Variants in PDE11A observed in about 807,000 individuals in gnomAD.
PDE11A encodes dual 3',5'-cyclic-AMP and -GMP phosphodiesterase 11A.
Under a neutral mutation model 100.5 loss-of-function variants are expected in PDE11A, and 100 were observed. The ratio of observed to expected loss-of-function variants is 1.00; its 90% confidence interval spans 0.85 to 1.18. The LOEUF is 1.18. PDE11A is among the 50% of genes most tolerant of loss of function. PDE11A has a pLI of 0.00. For synonymous variants in PDE11A, 381 were observed against 420.8 expected (o/e 0.91, Z 1.16); for missense variants, 1,141 against 1,152.6 (o/e 0.99, Z 0.15).
chr2:177,773,792 A>G (rs1305473001), intron 9 of PDE11A, among the ~76,000 whole-genome samples: 1 of 152,202 alleles, frequency 6.6e-6, no homozygotes, highest in Non-Finnish European at 1.5e-5. Flanking sequence ...GGGAGGAATC[A>G]TCGGCTAATA....
intron 9 of PDE11A, among the ~76,000 whole-genome samples, chr2:177,815,782 G>C (rs889914952): frequency 1.3e-5 from 2 of 152,128 alleles, no homozygotes; most frequent in African/African-American, 2.4e-5. Context: ...CTTATATCTG[G>C]CTTGACACAC....
At chr2:177,903,342 C>T (rs1208976636) in intron 3 of PDE11A, among the ~76,000 whole-genome samples, 3 of 152,170 alleles carry the variant, frequency 2.0e-5, no homozygotes, top group African/African-American at 4.8e-5. Flanking sequence ...CCTTCCTCAA[C>T]CCTTTATCCC....
At chr2:177,899,857 A>G (rs74515015) in intron 3 of PDE11A, among the ~76,000 whole-genome samples, 3,400 of 151,372 alleles carry the variant, frequency 0.022, 61 homozygotes, top group East Asian at 0.074. Context: ...CAAACTGTCC[A>G]GAAGAACATT....
intron 1 of PDE11A, among the ~76,000 whole-genome samples, chr2:178,051,779 A>C (rs1489848821): frequency 1.3e-5 from 2 of 152,190 alleles, no homozygotes; most frequent in Non-Finnish European, 2.9e-5. Context: ...CCATTACATA[A>C]TGGTAAAGGG....
chr2:177,883,493 C>T (rs950154788), intron 4 of PDE11A, among the ~76,000 whole-genome samples: 1 of 152,050 alleles, frequency 6.6e-6, no homozygotes, highest in Admixed American at 6.6e-5. Flanking sequence ...GCAAACAGTT[C>T]ACAAATGTTT....
rs917639957 is a variant in PDE11A, at chr2:178,079,192, C to T, written c.162+25110G>A. Among the ~76,000 whole-genome samples the T allele has an allele frequency of 3.9e-5, 6 of 152,226 alleles. No individual in the cohort carries two copies. In the South Asian group the frequency reaches 1.0e-3, roughly 26 times the overall value. On this transcript the variant is annotated intron_variant, in intron 2 of 20. Coordinates refer to the PDE11A transcript ENST00000358450. ...TTCTGGGGCACATGTGCAGGGTGTG[C>T]GGGTTTGTTACCTAGGTAAAAGTGT... is the stretch of plus-strand genomic sequence containing the variant.
intron 9 of PDE11A, among the ~76,000 whole-genome samples, chr2:177,783,232 A>G (rs2082478914): frequency 6.6e-6 from 1 of 152,194 alleles, no homozygotes; most frequent in Non-Finnish European, 1.5e-5. Context: ...TACAATATCA[A>G]GAGGGCTTGT....
At chr2:177,721,586 A>C (rs998530264) in intron 12 of PDE11A, among the ~76,000 whole-genome samples, 3 of 152,174 alleles carry the variant, frequency 2.0e-5, no homozygotes, top group Non-Finnish European at 4.4e-5. Flanking sequence ...ATTCTTAAGG[A>C]CTTAGCTTTC....
intron 1 of PDE11A, among the ~76,000 whole-genome samples, chr2:178,055,327 T>G (rs914124453): frequency 2.9e-5 from 3 of 102,654 alleles, no homozygotes; most frequent in African/African-American, 1.2e-4. Flanking sequence ...GTGGGGAACA[T>G]CACACACCAG....
chr2:178,015,580 A>G (rs2086324844), intron 1 of PDE11A, among the ~76,000 whole-genome samples: 1 of 152,178 alleles, frequency 6.6e-6, no homozygotes. Flanking sequence ...GGACAATTGG[A>G]GAAAGTTAAG....
At chr2:178,063,188 A>T (rs1224149909) in intron 1 of PDE11A, among the ~76,000 whole-genome samples, 1 of 152,226 alleles carries the variant, frequency 6.6e-6, no homozygotes, top group Non-Finnish European at 1.5e-5. Context: ...TTGTAACAAG[A>T]AATTTAACAT....
chr2:178,089,932 A>G (rs2087400679), intron 2 of PDE11A, among the ~76,000 whole-genome samples: 1 of 152,210 alleles, frequency 6.6e-6, no homozygotes. Flanking sequence ...CCCAAGACTT[A>G]GAGAAGCTAT....
At chr2:177,961,536 C>A (rs1161799582) in intron 2 of PDE11A, among the ~76,000 whole-genome samples, 2 of 152,126 alleles carry the variant, frequency 1.3e-5, no homozygotes, top group African/African-American at 4.8e-5. Context: ...TTATTACTTT[C>A]TTGAAACCAA....
intron 10 of PDE11A, among the ~76,000 whole-genome samples, chr2:177,742,102 G>A (rs1407188936): frequency 6.6e-6 from 1 of 151,958 alleles, no homozygotes; most frequent in Non-Finnish European, 1.5e-5. Context: ...TTATCAGGCT[G>A]CACAGTCTGC....
At position 177,701,153 on chromosome 2, in the gene PDE11A, A is replaced by T; in HGVS notation, c.2212T>A (p.Phe738Ile). The part of the protein sequence containing the change: ...GTSATLEHHH[F>I]NHAVMILQSE... The stretch of plus-strand genomic sequence containing the variant: ...TGAAGGATCATCACGGCGTGGTTGA[A>T]ATGGTGATGCTCCAAGGTAGCAGAG... Residue 738 changes from phenylalanine (F) to isoleucine (I), a missense_variant, in exon 14 of 20, where the codon TTC (phenylalanine) becomes ATC (isoleucine). Coordinates refer to ENST00000286063, the MANE Select transcript of PDE11A (RefSeq NM_016953.4). 6.2e-7 allele frequency: 1 copy of T among 1,607,040 alleles called. No homozygotes were observed. Among genetic ancestry groups the T allele is most frequent in the East Asian group, 2.2e-5 (1 of 44,830 alleles).
chr2:178,030,885 T>C (rs1287990366), intron 1 of PDE11A, among the ~76,000 whole-genome samples: 1 of 151,972 alleles, frequency 6.6e-6, no homozygotes, highest in Non-Finnish European at 1.5e-5. Context: ...TATAAAAATA[T>C]AGGCCAGTCT....
At position 177,916,914 on chromosome 2, in the gene PDE11A, C is replaced by G. The variant is rs529018515; in HGVS notation, c.1072-11727G>C. Among the ~76,000 whole-genome samples, 39 of 147,228 alleles carry G rather than the reference C, an allele frequency of 2.6e-4. No homozygotes were observed. In the South Asian group the frequency reaches 8.1e-3, roughly 31 times the overall value. On this transcript the variant is annotated intron_variant, in intron 2 of 19. Transcript: ENST00000286063. ...TAGCTGGGACTACAGGTGTCTGCCACCACGCCCGGCTAATTTTTTTTTTTT... is the reference window on the plus strand; with the variant it reads ...TAGCTGGGACTACAGGTGTCTGCCAGCACGCCCGGCTAATTTTTTTTTTTT...
intron 9 of PDE11A, among the ~76,000 whole-genome samples, chr2:177,781,360 C>T (rs113385013): frequency 1.1e-4 from 17 of 152,264 alleles, no homozygotes; most frequent in South Asian, 8.3e-4. Flanking sequence ...TATAATAAGA[C>T]GTATAAAATG....
intron 1 of PDE11A, among the ~76,000 whole-genome samples, chr2:178,019,306 G>C (rs915868591): frequency 6.6e-6 from 1 of 152,136 alleles, no homozygotes; most frequent in Admixed American, 6.5e-5. Context: ...TAGGGAAGAA[G>C]TCTCCTTTGT....
Sources: gnomAD v4.1 joint callset for allele counts (sites outside exome capture counted in the v4.1 genomes callset) on GRCh38, gnomAD v4.1.1 for gene constraint, MANE v1.5 for transcripts, NCBI Gene and HGNC (gene_info 2026-07-23, HGNC 2026-07-21) for gene names.